Variants in PRKG1 observed in about 807,000 individuals in gnomAD.
The protein encoded by PRKG1 is protein kinase cGMP-dependent 1.
A neutral mutation model predicts 88.1 loss-of-function variants in PRKG1; 35 were observed. That is an observed-to-expected ratio of 0.40 (90% confidence interval 0.30 to 0.53). The LOEUF is 0.53. Among genes scored for constraint, PRKG1 ranks in the 20% least tolerant of loss-of-function variants. The pLI is 0.59. For missense variants in PRKG1, 540 were observed against 839.8 expected (o/e 0.64, Z 4.41); for synonymous variants, 303 against 292.5 (o/e 1.04, Z -0.37).
At chr10:51,765,791 CT>C (rs138986881) in intron 3 of PRKG1, among the ~76,000 whole-genome samples, 63,865 of 151,010 alleles carry the variant, frequency 0.42, 14,143 homozygotes, top group Middle Eastern at 0.55. Flanking sequence ...TGTTTTGCCC[CT>C]AAGTATGCTG....
Position 52,188,850 on chromosome 10 carries a change from A to G in PRKG1, c.1076+26887A>G, listed in dbSNP as rs546463032. Among the ~76,000 whole-genome samples, 4 of 152,336 alleles carry G rather than the reference A, an allele frequency of 2.6e-5. No individual in the cohort carries two copies. In the South Asian group the frequency reaches 8.3e-4, roughly 32 times the overall value. The stretch of plus-strand genomic sequence containing the variant: ...AATGTACTGGTAGTATTATCTCCAT[A>G]TTCAAAGAACAGTACATCATTATTG... On this transcript the variant is annotated intron_variant, in intron 9 of 17. Transcript: ENST00000373980.
chr10:51,706,854 G>A (rs551966993), intron 3 of PRKG1, among the ~76,000 whole-genome samples: 2 of 152,014 alleles, frequency 1.3e-5, no homozygotes, highest in South Asian at 4.2e-4. Context: ...TGGAATACAT[G>A]ATATACTTAT....
intron 3 of PRKG1, among the ~76,000 whole-genome samples, chr10:51,575,127 A>C (rs573834580): frequency 6.6e-6 from 1 of 152,136 alleles, no homozygotes; most frequent in African/African-American, 2.4e-5. Context: ...CCCTATATAC[A>C]GTGATGCCTG....
At chr10:51,897,525 T>C (rs975726965) in intron 4 of PRKG1, among the ~76,000 whole-genome samples, 2 of 152,204 alleles carry the variant, frequency 1.3e-5, no homozygotes, top group Non-Finnish European at 2.9e-5. Flanking sequence ...TTTGGTTATA[T>C]TTTAAAACTA....
At position 51,160,604 on chromosome 10, in the gene PRKG1, A is replaced by G. The variant is rs567942830; in HGVS notation, c.478+7274A>G. On this transcript the variant is annotated intron_variant, in intron 2 of 17. Coordinates refer to ENST00000373980, the MANE Select transcript of PRKG1 (RefSeq NM_006258.4). Reference sequence around the variant, plus strand: ...ATATCCAGGACAATTTATATTGACAAACATTTAAATTTTACCTATCTGGTG... The same window carrying G: ...ATATCCAGGACAATTTATATTGACAGACATTTAAATTTTACCTATCTGGTG... Among the ~76,000 whole-genome samples, 8 of 152,328 alleles carry G rather than the reference A, an allele frequency of 5.3e-5. No homozygotes were observed. The South Asian group carries it at 1.7e-3, about 32-fold the overall frequency.
chr10:51,901,921 T>C (rs1054503567), intron 4 of PRKG1, among the ~76,000 whole-genome samples: 2 of 152,056 alleles, frequency 1.3e-5, no homozygotes, highest in African/African-American at 4.8e-5. Context: ...ATTTAAAAAA[T>C]ATCATTGATA....
chr10:52,024,325 T>TA (rs1845273202), intron 5 of PRKG1, among the ~76,000 whole-genome samples: 1 of 150,360 alleles, frequency 6.7e-6, no homozygotes, highest in Non-Finnish European at 1.5e-5. Flanking sequence ...AACTTTTTTT[T>TA]TTATTCTTTT....
At chr10:51,827,411 C>A (rs1839904827) in intron 4 of PRKG1, among the ~76,000 whole-genome samples, 1 of 152,074 alleles carries the variant, frequency 6.6e-6, no homozygotes, top group Admixed American at 6.6e-5. Flanking sequence ...TGCACAAGGA[C>A]TTTTGGACAC....
intron 3 of PRKG1, among the ~76,000 whole-genome samples, chr10:51,525,148 G>A (rs1179554257): frequency 6.6e-6 from 1 of 151,460 alleles, no homozygotes; most frequent in Admixed American, 6.6e-5. Context: ...GAGAGAGAGA[G>A]AAGGAGGAGG....
chr10:52,016,749 GTATTTACATTC>G (rs1373244978), intron 5 of PRKG1, among the ~76,000 whole-genome samples: 1 of 152,156 alleles, frequency 6.6e-6, no homozygotes, highest in Non-Finnish European at 1.5e-5. Context: ...TGATTTTATA[GTATTTACATTC>G]TGGTGGAAAG....
chr10:51,612,154 T>G (rs531531582), intron 3 of PRKG1, among the ~76,000 whole-genome samples: 3 of 152,236 alleles, frequency 2.0e-5, no homozygotes, highest in African/African-American at 7.2e-5. Context: ...TTTGAAAGAT[T>G]ATTTTGTTTA....
intron 2 of PRKG1, among the ~76,000 whole-genome samples, chr10:51,218,855 T>G (rs1232112701): frequency 1.4e-5 from 2 of 144,342 alleles, no homozygotes; most frequent in Admixed American, 6.9e-5. Flanking sequence ...AGGGAGGGAG[T>G]GGAAGAAGGA....
At chr10:51,341,661 G>T (rs34354220) in intron 2 of PRKG1, among the ~76,000 whole-genome samples, 9,787 of 152,276 alleles carry the variant, frequency 0.064, 435 homozygotes, top group Middle Eastern at 0.12. Context: ...TTGATAGGAA[G>T]TGGTGTATAG....
At chr10:51,399,948 T>C (rs543250834) in intron 2 of PRKG1, among the ~76,000 whole-genome samples, 16 of 152,258 alleles carry the variant, frequency 1.1e-4, no homozygotes, top group African/African-American at 3.6e-4. Context: ...GCTGTAGGAG[T>C]TCTGGCTGCA....
At chr10:51,358,005 G>A (rs1368241036) in intron 2 of PRKG1, among the ~76,000 whole-genome samples, 1 of 151,548 alleles carries the variant, frequency 6.6e-6, no homozygotes, top group Non-Finnish European at 1.5e-5. Context: ...TTTATCCATT[G>A]TTTCATAATA....
At chr10:52,105,401 C>T (rs1467732807) in intron 7 of PRKG1, among the ~76,000 whole-genome samples, 1 of 152,100 alleles carries the variant, frequency 6.6e-6, no homozygotes, top group East Asian at 1.9e-4. Flanking sequence ...TTGAAACTTA[C>T]CCTGTGTTAA....
At chr10:52,217,085 CA>C (rs1450764580) in intron 9 of PRKG1, among the ~76,000 whole-genome samples, 1 of 152,128 alleles carries the variant, frequency 6.6e-6, no homozygotes, top group East Asian at 1.9e-4. Flanking sequence ...CTGTGTTTCT[CA>C]AACCACAGGT....
intron 3 of PRKG1, among the ~76,000 whole-genome samples, chr10:51,530,913 C>T (rs1418920496): frequency 1.3e-5 from 2 of 152,070 alleles, no homozygotes; most frequent in African/African-American, 2.4e-5. Flanking sequence ...CTTATGGGCC[C>T]GGGGTTTGGA....
At chr10:52,014,618 TC>T (rs895334628) in intron 5 of PRKG1, among the ~76,000 whole-genome samples, 77 of 152,208 alleles carry the variant, frequency 5.1e-4, no homozygotes, top group African/African-American at 1.8e-3. Context: ...CTTAACTCTT[TC>T]CAGCGTTAAC....
Sources: gnomAD v4.1 joint callset for allele counts (sites outside exome capture counted in the v4.1 genomes callset) on GRCh38, gnomAD v4.1.1 for gene constraint, MANE v1.5 for transcripts, NCBI Gene and HGNC (gene_info 2026-07-23, HGNC 2026-07-21) for gene names.